The following ARFGEF3 variants were observed in gnomAD, a reference collection of about 807,000 sequenced individuals.
ARFGEF3 encodes the protein brefeldin A-inhibited guanine nucleotide-exchange protein 3.
A neutral mutation model predicts 221.7 loss-of-function variants in ARFGEF3; 96 were observed. The ratio of observed to expected loss-of-function variants is 0.43; its 90% CI spans 0.37 to 0.51. The LOEUF is 0.51. ARFGEF3 is among the 20% of genes least tolerant of loss of function. The probability of loss-of-function intolerance (pLI) is 0.00; values close to 1 mark genes in which losing one functional copy is unlikely to be tolerated. For synonymous variants in ARFGEF3, 1,145 were observed against 1,126.8 expected (o/e 1.02, Z -0.32); for missense variants, 2,410 against 2,789.9 (o/e 0.86, Z 3.07).
chr6:138,288,757 C>G (rs1161864933), intron 17 of ARFGEF3, among the ~76,000 whole-genome samples: 1 of 152,106 alleles, frequency 6.6e-6, no homozygotes, highest in African/African-American at 2.4e-5. Context: ...TTGCTCCTTA[C>G]ATTAGGAGAT....
chr6:138,205,018 A>C (rs987729990), intron 2 of ARFGEF3, among the ~76,000 whole-genome samples: 1 of 152,210 alleles, frequency 6.6e-6, no homozygotes, highest in Admixed American at 6.5e-5. Flanking sequence ...ACTCGTGTGA[A>C]TGTATAAGCA....
intron 6 of ARFGEF3, 94 bp downstream of exon 6, chr6:138,238,725 T>A: frequency 1.7e-6 from 2 of 1,205,462 alleles, no homozygotes; most frequent in Non-Finnish European, 2.4e-6. Context: ...GCCTGCCTCC[T>A]GAAAACAGTA....
In ARFGEF3 at chr6:138,198,701, T is replaced by C. The variant is rs68057343; in HGVS notation, c.138-8341T>C. Among the ~76,000 whole-genome samples, 1,490 of 151,542 alleles carry C rather than the reference T, an allele frequency of 9.8e-3. 10 individuals carry two copies. Among genetic ancestry groups the C allele is most frequent in the Admixed American group, 0.016 (242 of 15,216 alleles). ...AGCTAGTTCCAAAGCCAGATTTTTTTCCACATATCCAAACTGCCTACACCT... is the reference window on the plus strand; with the variant it reads ...AGCTAGTTCCAAAGCCAGATTTTTTCCCACATATCCAAACTGCCTACACCT... On this transcript the variant is annotated intron_variant, in intron 2 of 33. Transcript: ENST00000251691.
chr6:138,287,075 C>T lies in ARFGEF3; in HGVS notation c.2787C>T (p.Gly929=), dbSNP rs17568867. Reference sequence around the variant, plus strand: ...AGTCATTGTGTGTCTCCTCTGAAGGCGTTGCTGCTAACTGCGCCTCAGCCC... The same window carrying T: ...AGTCATTGTGTGTCTCCTCTGAAGGTGTTGCTGCTAACTGCGCCTCAGCCC... ...RKAARLSCAL[G]VAANCASALA... is the part of the protein sequence containing the mutation. Residue 929 remains glycine (G), a splice_region_variant and synonymous_variant, in exon 17 of 34, where the codon GGC becomes GGT. Transcript: ENST00000251691. 57,260 of 1,568,398 alleles carry T rather than the reference C, an allele frequency of 0.037. 1,217 individuals carry two copies. Among genetic ancestry groups the T allele is most frequent in the Non-Finnish European group, 0.043 (49,386 of 1,156,142 alleles).
intron 19 of ARFGEF3, among the ~76,000 whole-genome samples, chr6:138,292,837 A>G (rs778559622): frequency 1.3e-5 from 2 of 152,168 alleles, no homozygotes; most frequent in Non-Finnish European, 2.9e-5. Flanking sequence ...ACCCACTACC[A>G]TAATTGCTTT....
intron 2 of ARFGEF3, among the ~76,000 whole-genome samples, chr6:138,195,329 C>T (rs772118062): frequency 3.9e-5 from 6 of 151,978 alleles, no homozygotes; most frequent in Non-Finnish European, 8.8e-5. Flanking sequence ...CTGAAGGTAA[C>T]ATGTTTTATT....
Position 138,343,456 on chromosome 6 carries a change from T to G in ARFGEF3, c.*6970T>G, listed in dbSNP as rs886907748. ...TTGCCTCTGTGGATGGAAATAAGGGTGTTTTTTTTTGGTTTTTTTTTTACT... is the reference window on the plus strand; with the variant it reads ...TTGCCTCTGTGGATGGAAATAAGGGGGTTTTTTTTTGGTTTTTTTTTTACT... On this transcript the variant is annotated 3_prime_UTR_variant, in exon 34 of 34. Coordinates refer to ENST00000251691, the MANE Select transcript of ARFGEF3 (RefSeq NM_020340.5). 88 of 133,992 alleles carry G rather than the reference T, an allele frequency of 6.6e-4. No homozygotes were observed. The highest frequency in any genetic ancestry group is 3.2e-3 in the African/African-American group (82 of 25,690). 8.3% of individuals were successfully genotyped at this position (133,992 alleles called of 1,614,324 possible).
At chr6:138,199,559 T>C (rs762844631) in intron 2 of ARFGEF3, among the ~76,000 whole-genome samples, 12 of 152,244 alleles carry the variant, frequency 7.9e-5, no homozygotes, top group Non-Finnish European at 1.3e-4. Flanking sequence ...CTTTCAGTAG[T>C]GTTTTGTAGT....
intron 5 of ARFGEF3, among the ~76,000 whole-genome samples, chr6:138,238,070 C>T (rs965892430): frequency 6.6e-6 from 1 of 152,168 alleles, no homozygotes; most frequent in Non-Finnish European, 1.5e-5. Context: ...GAGGGTTGAC[C>T]CAAGGTCAAA....
At chr6:138,280,235 A>G (rs1036132921) in intron 14 of ARFGEF3, 71 bp downstream of exon 14, 3 of 1,477,428 alleles carry the variant, frequency 2.0e-6, no homozygotes, top group Non-Finnish European at 1.9e-6. Flanking sequence ...AGCCTCTTTC[A>G]GAGAAGTGTT....
chr6:138,254,410 C>A (rs1314450708), intron 9 of ARFGEF3, among the ~76,000 whole-genome samples: 1 of 148,608 alleles, frequency 6.7e-6, no homozygotes, highest in African/African-American at 2.5e-5. Flanking sequence ...CAGAGCAAGA[C>A]TCTGTCCCAA....
At chr6:138,301,775 C>T (rs1583057269) in intron 22 of ARFGEF3, among the ~76,000 whole-genome samples, 1 of 152,084 alleles carries the variant, frequency 6.6e-6, no homozygotes, top group East Asian at 1.9e-4. Flanking sequence ...AGATTGATTG[C>T]CAGAGGGTAG....
rs140692682 is a variant in ARFGEF3, at chr6:138,277,638, C to T, written c.2129-813C>T. Among the ~76,000 whole-genome samples the T allele has an allele frequency of 4.5e-3, 680 of 152,298 alleles. 6 individuals are homozygous for T. The highest frequency in any genetic ancestry group is 0.015 in the African/African-American group (629 of 41,550). On this transcript the variant is annotated intron_variant, in intron 12 of 33. Transcript: ENST00000251691. Reference sequence around the variant, plus strand: ...TCATATCCATTAATTCTTACTCATTCGGCAAATGTTTTTAAGGGTCTACTA... The same window carrying T: ...TCATATCCATTAATTCTTACTCATTTGGCAAATGTTTTTAAGGGTCTACTA...
intron 4 of ARFGEF3, among the ~76,000 whole-genome samples, chr6:138,226,997 C>T (rs1778096678): frequency 6.6e-6 from 1 of 151,728 alleles, no homozygotes; most frequent in African/African-American, 2.4e-5. Context: ...CGTTAATGTG[C>T]TTTACTTTCC....
intron 4 of ARFGEF3, among the ~76,000 whole-genome samples, chr6:138,223,539 A>G (rs919085552): frequency 9.9e-5 from 15 of 152,214 alleles, no homozygotes; most frequent in African/African-American, 3.6e-4. Context: ...TTGAAAAATG[A>G]AACCACAGTT....
In ARFGEF3 at chr6:138,329,710, G is replaced by A. The variant is rs201447663; in HGVS notation, c.5123+1568G>A. ...ACAAACTGGGTTTGGTTGAACATAA[G>A]GCCTCTGCCCTTTCCCATTTCAAGG... On this transcript the variant is annotated intron_variant, in intron 32 of 33. Transcript: ENST00000251691. Among the ~76,000 whole-genome samples the A allele has an allele frequency of 2.0e-5, 3 of 152,250 alleles. No homozygotes were observed. The East Asian group carries it at 5.8e-4, about 29-fold the overall frequency.
intron 2 of ARFGEF3, among the ~76,000 whole-genome samples, chr6:138,194,646 G>A (rs913676738): frequency 2.6e-5 from 4 of 152,192 alleles, no homozygotes; most frequent in Admixed American, 6.5e-5. Flanking sequence ...TTTAAATGAC[G>A]TATTTGGCTA....
At chr6:138,319,543 C>T (rs1779986385) in intron 27 of ARFGEF3, among the ~76,000 whole-genome samples, 160 bp from the exon 28 acceptor site, 1 of 152,120 alleles carries the variant, frequency 6.6e-6, no homozygotes, top group African/African-American at 2.4e-5. Context: ...AGGAAAAATG[C>T]CACTGAAGAC....
chr6:138,317,170 A>G (rs1370343884), intron 26 of ARFGEF3, 81 bp from the exon 27 acceptor site: 2 of 1,506,258 alleles, frequency 1.3e-6, no homozygotes, highest in Non-Finnish European at 1.8e-6. Flanking sequence ...GGCAGTTTAC[A>G]TACAATGTTT....
Sources: gnomAD v4.1 joint callset for allele counts (sites outside exome capture counted in the v4.1 genomes callset) on GRCh38, gnomAD v4.1.1 for gene constraint, MANE v1.5 for transcripts, NCBI Gene and HGNC (gene_info 2026-07-23, HGNC 2026-07-21) for gene names.